Variants in SPOCK1 observed in about 807,000 individuals in gnomAD.
SPOCK1 encodes SPARC (osteonectin), cwcv and kazal like domains proteoglycan 1, also known as testican-1.
SPOCK1 carries 23 observed loss-of-function variants against 55.3 expected under a neutral mutation model. The observed-to-expected ratio is 0.42, with a 90% CI of 0.30 to 0.59. The LOEUF (loss-of-function observed/expected upper bound fraction) is 0.59. Among genes scored for constraint, SPOCK1 ranks in the 20% least tolerant of loss-of-function variants. The pLI is 0.22. For synonymous variants in SPOCK1, 226 were observed against 221.0 expected (o/e 1.02, Z -0.20); for missense variants, 499 against 552.5 (o/e 0.90, Z 0.97).
At chr5:137,322,642 T>C (rs758127126) in intron 2 of SPOCK1, among the ~76,000 whole-genome samples, 2 of 150,742 alleles carry the variant, frequency 1.3e-5, no homozygotes, top group Non-Finnish European at 3.0e-5. Context: ...ATAAGCCCCA[T>C]GTAACCACAA....
intron 4 of SPOCK1, among the ~76,000 whole-genome samples, chr5:137,133,378 A>AG (rs1469193303): frequency 2.6e-5 from 4 of 151,988 alleles, no homozygotes. Context: ...TCAAAAAAAA[A>AG]AAAAAAAATT....
intron 6 of SPOCK1, among the ~76,000 whole-genome samples, chr5:137,014,605 AAGAG>A (rs1751415700): frequency 6.6e-6 from 1 of 152,202 alleles, no homozygotes; most frequent in South Asian, 2.1e-4. Context: ...ATAGAGGAAG[AAGAG>A]AGAGACCCTC....
chr5:137,151,023 T>A (rs1203574817), intron 3 of SPOCK1, among the ~76,000 whole-genome samples: 1 of 152,220 alleles, frequency 6.6e-6, no homozygotes, highest in Non-Finnish European at 1.5e-5. Context: ...TGTGTTCCCA[T>A]AATCCAATCT....
rs550667976 is a variant in SPOCK1 at position 137,135,617 on chromosome 5, G to T, written c.347+4963C>A. Among the ~76,000 whole-genome samples, 4 of 152,158 alleles carry T rather than the reference G, an allele frequency of 2.6e-5. No homozygotes were observed. The South Asian group carries it at 8.3e-4, about 32-fold the overall frequency. On this transcript the variant is annotated intron_variant, in intron 4 of 10. Coordinates refer to ENST00000394945, the MANE Select transcript of SPOCK1 (RefSeq NM_004598.4). ...CCAAAGGGTCTACTTTATGATCGAG[G>T]CTTACAGAATGCTTAGGCACTCAAT...
chr5:137,015,285 C>CAA (rs11440015), intron 6 of SPOCK1, among the ~76,000 whole-genome samples: 7,984 of 139,350 alleles, frequency 0.057, 515 homozygotes, highest in East Asian at 0.18. Context: ...ACTAAAAATA[C>CAA]AAAAAAAAAA....
chr5:137,490,427 CA>C, intron 2 of SPOCK1, among the ~76,000 whole-genome samples: 1 of 152,258 alleles, frequency 6.6e-6, no homozygotes, highest in South Asian at 2.1e-4. Flanking sequence ...GATGCAAAAT[CA>C]AGACCAAATT....
In SPOCK1 at chr5:137,444,387, G is replaced by A. The variant is rs140923913; in HGVS notation, c.186+53986C>T. On this transcript the variant is annotated intron_variant, in intron 2 of 10. Coordinates refer to ENST00000394945, the MANE Select transcript of SPOCK1 (RefSeq NM_004598.4). The stretch of plus-strand genomic sequence containing the variant: ...CTCTGCCTGGTGTCACAATAGGGTT[G>A]GGTGCAGAATGCAGTGTAGGTGTCC... 2.6e-5 allele frequency among the ~76,000 whole-genome samples: 4 copies of A among 152,334 alleles called. No homozygotes were observed. In the East Asian group the frequency reaches 7.7e-4, roughly 29 times the overall value.
rs1006507844 is a variant in SPOCK1 at position 136,976,830 on chromosome 5, A to G, written c.*1824T>C. On this transcript the variant is annotated 3_prime_UTR_variant, in exon 11 of 11. Transcript: ENST00000394945. ...GTAGTTCATTTCTTATCTAAGACCA[A>G]CTATAGGTATGATGCTACTGTATTC... The G allele has an allele frequency of 6.6e-6, 1 of 152,234 alleles. No individual in the cohort carries two copies. Among genetic ancestry groups the G allele is most frequent in the Non-Finnish European group, 1.5e-5 (1 of 68,040 alleles). The allele number at this position is 152,234 out of a possible 1,614,324, so 9.4% of individuals were successfully genotyped here.
chr5:137,402,724 T>C (rs780220866), intron 2 of SPOCK1, among the ~76,000 whole-genome samples: 1 of 152,224 alleles, frequency 6.6e-6, no homozygotes, highest in African/African-American at 2.4e-5. Flanking sequence ...GGGGAAAATA[T>C]CTGAACCCAA....
At chr5:137,129,355 G>C (rs1383390432) in intron 4 of SPOCK1, among the ~76,000 whole-genome samples, 1 of 152,096 alleles carries the variant, frequency 6.6e-6, no homozygotes, top group South Asian at 2.1e-4. Context: ...GGTTCTTCTT[G>C]CCCGCTACAC....
intron 6 of SPOCK1, among the ~76,000 whole-genome samples, chr5:137,053,413 T>C (rs991012712): frequency 6.6e-6 from 1 of 152,136 alleles, no homozygotes; most frequent in African/African-American, 2.4e-5. Flanking sequence ...CCATTGTTCC[T>C]GGCACCTTGA....
At chr5:137,149,203 C>A (rs1193971282) in intron 3 of SPOCK1, among the ~76,000 whole-genome samples, 1 of 152,118 alleles carries the variant, frequency 6.6e-6, no homozygotes, top group Non-Finnish European at 1.5e-5. Context: ...GTGAAGTGTG[C>A]GTATGTTCCA....
chr5:137,322,348 A>C lies in SPOCK1; in HGVS notation c.187-55293T>G, dbSNP rs28884863. Among the ~76,000 whole-genome samples, 305 of 145,056 alleles carry C rather than the reference A, an allele frequency of 2.1e-3. 4 individuals carry two copies. Among genetic ancestry groups the C allele is most frequent in the Middle Eastern group, 0.014 (4 of 278 alleles). ...ATGCTGTCTCAAGGAAAAAAAAAAA[A>C]ACACACACACACACAAAACTCACTG... On this transcript the variant is annotated intron_variant, in intron 2 of 10. Coordinates refer to ENST00000394945, the MANE Select transcript of SPOCK1 (RefSeq NM_004598.4).
chr5:137,378,027 C>T (rs902890110), intron 2 of SPOCK1, among the ~76,000 whole-genome samples: 10 of 147,542 alleles, frequency 6.8e-5, no homozygotes, highest in African/African-American at 2.0e-4. Flanking sequence ...TCACCGCAAC[C>T]TCCGCCTACT....
intron 5 of SPOCK1, among the ~76,000 whole-genome samples, chr5:137,106,121 C>A (rs1467922760): frequency 1.3e-5 from 2 of 150,340 alleles, no homozygotes; most frequent in Admixed American, 1.3e-4. Flanking sequence ...GACACCCCCA[C>A]CCCCCACCAC....
chr5:137,333,910 A>G (rs1758237739), intron 2 of SPOCK1, among the ~76,000 whole-genome samples: 1 of 152,208 alleles, frequency 6.6e-6, no homozygotes, highest in Non-Finnish European at 1.5e-5. Context: ...CAAAAAAAAG[A>G]AAGACAAAAA....
At chr5:137,071,733 G>C (rs1038401988) in intron 5 of SPOCK1, among the ~76,000 whole-genome samples, 1 of 152,010 alleles carries the variant, frequency 6.6e-6, no homozygotes, top group Non-Finnish European at 1.5e-5. Flanking sequence ...CTGAGCCCAC[G>C]GCCTCCCACA....
chr5:137,327,921 G>GA (rs1235575573), intron 2 of SPOCK1, among the ~76,000 whole-genome samples: 4 of 152,104 alleles, frequency 2.6e-5, no homozygotes, highest in Non-Finnish European at 5.9e-5. Context: ...ACAGCAAGGG[G>GA]AAAAAATGAA....
At chr5:137,259,688 T>TAAAA (rs61576266) in intron 3 of SPOCK1, among the ~76,000 whole-genome samples, 9 of 130,228 alleles carry the variant, frequency 6.9e-5, no homozygotes, top group East Asian at 2.2e-4. Context: ...CACATGAAAG[T>TAAAA]AAAAAAAAAA....
Sources: gnomAD v4.1 joint callset for allele counts (sites outside exome capture counted in the v4.1 genomes callset) on GRCh38, gnomAD v4.1.1 for gene constraint, MANE v1.5 for transcripts, NCBI Gene and HGNC (gene_info 2026-07-23, HGNC 2026-07-21) for gene names.